Variants in TBL1X observed in about 807,000 individuals in gnomAD.
TBL1X encodes transducin beta like 1 X-linked.
TBL1X carries 10 observed loss-of-function variants against 50.7 expected under a neutral mutation model. That is an observed-to-expected ratio of 0.20 (90% CI 0.12 to 0.33). The LOEUF is 0.33. Ranked by LOEUF, TBL1X falls within the 10% of genes least tolerant of loss-of-function variation. The pLI is 1.00. For synonymous variants in TBL1X, 190 were observed against 214.7 expected, an observed-to-expected ratio of 0.88 and a Z score of 1.01; for missense variants, 340 against 504.4, an observed-to-expected ratio of 0.67 and a Z score of 3.12.
At chrX:9,475,134 A>G (rs1184880536) in intron 1 of TBL1X, among the ~76,000 whole-genome samples, 1 of 112,264 alleles carries the variant, frequency 8.9e-6, no homozygotes, top group African/African-American at 3.2e-5. Context: ...TTGGTCTCCC[A>G]AAGTGGTGGG....
At chrX:9,577,977 GA>G (rs1391565019) in intron 2 of TBL1X, among the ~76,000 whole-genome samples, 1 of 112,362 alleles carries the variant, frequency 8.9e-6, no homozygotes, top group Non-Finnish European at 1.9e-5. Flanking sequence ...GAGAGAAACA[GA>G]AAACTCCTCT....
intron 1 of TBL1X, among the ~76,000 whole-genome samples, chrX:9,492,357 G>A (rs1356205577): frequency 9.0e-6 from 1 of 111,139 alleles, no homozygotes; most frequent in African/African-American, 3.3e-5. Context: ...CGTAGTAAAA[G>A]GGAAGATGAA....
At chrX:9,704,928 T>C (rs1212300786) in intron 12 of TBL1X, 65 bp from the exon 13 acceptor site, 6 of 1,197,926 alleles carry the variant, frequency 5.0e-6, no homozygotes, top group Non-Finnish European at 5.6e-6. Flanking sequence ...GTGCTGTTCA[T>C]TGTTGTAAAT....
rs763022120 is a variant in TBL1X, at chrX:9,654,164, AAAG to A, written c.104-49_104-47del. 1.9e-4 allele frequency: 216 copies of A among 1,111,932 alleles called. No individual in the cohort carries two copies. In the East Asian group the frequency reaches 5.8e-3, roughly 30 times the overall value. 91.6% of individuals were successfully genotyped at this position (1,111,932 alleles called of 1,213,427 possible). On this transcript the variant is annotated intron_variant, in intron 4 of 17. Transcript: ENST00000645353. ...TTTCTTTAGTCATCTCAAAAAAAAA[AAAG>A]AGAAAAATACAAGCAGTGTTTCAAA...
At chrX:9,607,964 ATTT>A (rs370098919) in intron 2 of TBL1X, among the ~76,000 whole-genome samples, 86 of 92,144 alleles carry the variant, frequency 9.3e-4, no homozygotes, top group African/African-American at 3.2e-3. Flanking sequence ...CATGCCTGGA[ATTT>A]TTTTTTTTTT....
intron 3 of TBL1X, among the ~76,000 whole-genome samples, chrX:9,648,370 CT>C (rs2082816133): frequency 8.9e-6 from 1 of 112,405 alleles, no homozygotes; most frequent in Non-Finnish European, 1.9e-5. Flanking sequence ...CAAAGGCGGA[CT>C]TTTTCCCACA....
chrX:9,535,986 G>T (rs929960691), intron 2 of TBL1X, among the ~76,000 whole-genome samples: 5 of 111,837 alleles, frequency 4.5e-5, no homozygotes, highest in African/African-American at 1.6e-4. Flanking sequence ...AAATCGATCA[G>T]CCTGAATCCA....
intron 1 of TBL1X, among the ~76,000 whole-genome samples, chrX:9,488,797 G>A (rs1254889111): frequency 1.8e-5 from 2 of 111,429 alleles, no homozygotes; most frequent in East Asian, 2.8e-4. Context: ...GAGAAATCTG[G>A]TACTGTTGAG....
chrX:9,477,858 A>G (rs1267947275), intron 1 of TBL1X, among the ~76,000 whole-genome samples: 2 of 111,632 alleles, frequency 1.8e-5, no homozygotes, highest in Non-Finnish European at 3.8e-5. Context: ...ACGGGCCACC[A>G]TGAATATCCT....
At chrX:9,627,415 C>CAAT (rs2062295947) in intron 2 of TBL1X, among the ~76,000 whole-genome samples, 1 of 111,940 alleles carries the variant, frequency 8.9e-6, no homozygotes, top group South Asian at 3.7e-4. Flanking sequence ...GTTCCAGCTA[C>CAAT]AATATTGTGG....
intron 11 of TBL1X, among the ~76,000 whole-genome samples, chrX:9,696,136 C>T (rs976383552): frequency 8.0e-5 from 9 of 112,772 alleles, no homozygotes; most frequent in African/African-American, 2.9e-4. Flanking sequence ...TTAACATAAA[C>T]ATCAACTAAG....
chrX:9,604,232 T>G (rs1289570819), intron 2 of TBL1X, among the ~76,000 whole-genome samples: 1 of 111,208 alleles, frequency 9.0e-6, no homozygotes, highest in Non-Finnish European at 1.9e-5. Context: ...CCAAAGAAAT[T>G]CTTTGTGCTG....
chrX:9,688,707 T>C lies in TBL1X; in HGVS notation c.616+432T>C, dbSNP rs2083077344. The stretch of plus-strand genomic sequence containing the variant: ...GACTGGGCATAGGCTTATTTGGTCT[T>C]TGCAAAACCCCAGGACATCAGTCCC... On this transcript the variant is annotated intron_variant, in intron 7 of 17. Coordinates refer to ENST00000645353, the MANE Select transcript of TBL1X (RefSeq NM_005647.4). Among the ~76,000 whole-genome samples, 7 of 112,911 alleles carry C rather than the reference T, an allele frequency of 6.2e-5. No homozygotes were observed. In the South Asian group the frequency reaches 2.6e-3, roughly 41 times the overall value.
intron 2 of TBL1X, among the ~76,000 whole-genome samples, chrX:9,601,242 C>T (rs1263257995): frequency 1.8e-5 from 2 of 110,918 alleles, no homozygotes; most frequent in Admixed American, 9.6e-5. Context: ...ACATCTGGGT[C>T]ATATAGGGAG....
At chrX:9,492,894 T>TGTGTGGGTGTGG (rs796965171) in intron 1 of TBL1X, among the ~76,000 whole-genome samples, 1 of 24,171 alleles carries the variant, frequency 4.1e-5, no homozygotes, top group East Asian at 1.3e-3. Context: ...TGTGTGTGTG[T>TGTGTGGGTGTGG]GTGTAGGGGA....
intron 1 of TBL1X, among the ~76,000 whole-genome samples, chrX:9,494,366 C>T (rs957223689): frequency 1.8e-5 from 2 of 110,961 alleles, no homozygotes; most frequent in Non-Finnish European, 3.8e-5. Context: ...AATTAAAGGC[C>T]GACTTAGACC....
intron 13 of TBL1X, among the ~76,000 whole-genome samples, chrX:9,706,825 G>A (rs1296490598): frequency 3.6e-5 from 4 of 111,061 alleles, no homozygotes; most frequent in Non-Finnish European, 5.7e-5. Context: ...ACCTTGCCCC[G>A]CGCTGAGCCC....
At chrX:9,523,643 G>C (rs1435831447) in intron 2 of TBL1X, among the ~76,000 whole-genome samples, 1 of 112,373 alleles carries the variant, frequency 8.9e-6, no homozygotes, top group East Asian at 2.8e-4. Flanking sequence ...CTTCAGCGAG[G>C]CGCCCCCAGC....
At chrX:9,662,681 C>T (rs2082905541) in intron 5 of TBL1X, among the ~76,000 whole-genome samples, 1 of 112,415 alleles carries the variant, frequency 8.9e-6, no homozygotes, top group Non-Finnish European at 1.9e-5. Flanking sequence ...CCTAATGCCA[C>T]TGAACTGTGC....
Sources: gnomAD v4.1 joint callset for allele counts (sites outside exome capture counted in the v4.1 genomes callset) on GRCh38, gnomAD v4.1.1 for gene constraint, MANE v1.5 for transcripts, NCBI Gene and HGNC (gene_info 2026-07-23, HGNC 2026-07-21) for gene names.